ZFAND6: variants seen among roughly 807,000 people sequenced by gnomAD.
ZFAND6 encodes AN1-type zinc finger protein 6.
Under a neutral mutation model 24.5 loss-of-function variants are expected in ZFAND6, and 12 were observed. The observed-to-expected ratio is 0.49, with a 90% CI of 0.31 to 0.79. The LOEUF is 0.79. Among genes scored for constraint, ZFAND6 ranks in the 30% least tolerant of loss-of-function variants. The pLI is 0.04. For synonymous variants in ZFAND6, 92 were observed against 81.5 expected (o/e 1.13, Z -0.69); for missense variants, 207 against 245.9 (o/e 0.84, Z 1.06).
At chr15:80,108,431 A>T (rs937423932) in intron 2 of ZFAND6, among the ~76,000 whole-genome samples, 2 of 152,178 alleles carry the variant, frequency 1.3e-5, no homozygotes, top group Admixed American at 1.3e-4. Flanking sequence ...TCGTGAGAAG[A>T]AAGAGAATGA....
intron 1 of ZFAND6, among the ~76,000 whole-genome samples, chr15:80,082,359 A>G (rs937771341): frequency 3.3e-5 from 5 of 152,206 alleles, no homozygotes; most frequent in African/African-American, 1.2e-4. Flanking sequence ...GTTTATAGAG[A>G]GATAGGAAAA....
Position 80,138,353 on chromosome 15 carries a change from C to CT in ZFAND6, c.*728dup, listed in dbSNP as rs1266261495. The stretch of plus-strand genomic sequence containing the variant: ...GCTGTATTTATGTTTATTCACCAGT[C>CT]TTTGATTAAATAAAAAGGAAAACCA... On this transcript the variant is annotated 3_prime_UTR_variant, in exon 7 of 7. Coordinates refer to ENST00000261749, the MANE Select transcript of ZFAND6 (RefSeq NM_019006.4). 8.5e-5 allele frequency: 13 copies of CT among 152,616 alleles called. No individual in the cohort carries two copies. Among genetic ancestry groups the CT allele is most frequent in the African/African-American group, 3.1e-4 (13 of 41,446 alleles). The allele number at this position is 152,616 out of a possible 1,614,324, so 9.5% of individuals were successfully genotyped here. A position where few individuals can be genotyped will look rare whatever the true frequency, so the allele number is the denominator to read the frequency against.
At chr15:80,124,682 A>G (rs1370389875) in intron 5 of ZFAND6, among the ~76,000 whole-genome samples, 1 of 152,186 alleles carries the variant, frequency 6.6e-6, no homozygotes, top group Non-Finnish European at 1.5e-5. Context: ...CTGATGCCAT[A>G]TTAGGAGAAA....
intron 1 of ZFAND6, among the ~76,000 whole-genome samples, chr15:80,061,043 G>GT (rs1386264243): frequency 2.0e-5 from 3 of 152,154 alleles, no homozygotes; most frequent in Admixed American, 6.5e-5. Context: ...TTTAAGGTTA[G>GT]TTGTTCGGTA....
At chr15:80,128,503 G>C (rs561356980) in intron 5 of ZFAND6, among the ~76,000 whole-genome samples, 1 of 152,304 alleles carries the variant, frequency 6.6e-6, no homozygotes, top group East Asian at 1.9e-4. Flanking sequence ...TTTGGAAGTT[G>C]ATAAGGTATT....
At chr15:80,083,869 T>C (rs1323759112) in intron 1 of ZFAND6, among the ~76,000 whole-genome samples, 1 of 152,012 alleles carries the variant, frequency 6.6e-6, no homozygotes, top group Non-Finnish European at 1.5e-5. Flanking sequence ...CTCAAAAGCA[T>C]GGAAGTTGAG....
chr15:80,101,546 G>T (rs1280220067), intron 2 of ZFAND6, among the ~76,000 whole-genome samples: 1 of 152,108 alleles, frequency 6.6e-6, no homozygotes, highest in Non-Finnish European at 1.5e-5. Flanking sequence ...CACATTCTCA[G>T]TAGCTACATG....
At chr15:80,063,270 T>C (rs1233507451) in intron 1 of ZFAND6, among the ~76,000 whole-genome samples, 1 of 152,234 alleles carries the variant, frequency 6.6e-6, no homozygotes, top group African/African-American at 2.4e-5. Flanking sequence ...AAAACTATTA[T>C]TTCAACATGT....
chr15:80,101,580 C>T (rs2039033629), intron 2 of ZFAND6, among the ~76,000 whole-genome samples: 1 of 152,100 alleles, frequency 6.6e-6, no homozygotes. Flanking sequence ...CTGTGTTGGA[C>T]AACACTGTTC....
rs1002219053 is a variant in ZFAND6, at chr15:80,135,980, G to A, written c.479-1500G>A. On this transcript the variant is annotated intron_variant, in intron 6 of 6. Coordinates refer to ENST00000261749, the MANE Select transcript of ZFAND6 (RefSeq NM_019006.4). The stretch of plus-strand genomic sequence containing the variant: ...CTGTACAAAAAAATTTTTAAAATTA[G>A]CTGATCATGATGGCATGTGCCTGTA... Among the ~76,000 whole-genome samples, 4 of 152,094 alleles carry A rather than the reference G, an allele frequency of 2.6e-5. No homozygotes were observed. The East Asian group carries it at 7.7e-4, about 29-fold the overall frequency.
chr15:80,129,584 A>G (rs184297203), intron 5 of ZFAND6: 14 of 152,360 alleles, frequency 9.2e-5, no homozygotes, highest in Admixed American at 2.0e-4. Flanking sequence ...AAGTAATTCA[A>G]TTCAACAGAT....
At position 80,137,586 on chromosome 15, in the gene ZFAND6, A is replaced by G. The variant is rs750865747; in HGVS notation, c.585A>G (p.Lys195=). The G allele has an allele frequency of 2.5e-6, 4 of 1,606,824 alleles. No homozygotes were observed. The highest frequency in any genetic ancestry group is 2.5e-6 in the Non-Finnish European group (3 of 1,177,752). ...YKADAAEKIR[K]ENPVVVGEKI... is the part of the protein sequence containing the mutation. The stretch of plus-strand genomic sequence containing the variant: ...CCGATGCTGCTGAGAAAATCAGAAA[A>G]GAAAATCCAGTAGTTGTTGGTGAAA... Residue 195 remains lysine (K), a synonymous_variant, in exon 7 of 7, where the codon AAA becomes AAG. Coordinates refer to ENST00000261749, the MANE Select transcript of ZFAND6 (RefSeq NM_019006.4).
chr15:80,095,948 G>T (rs941397347), intron 1 of ZFAND6, among the ~76,000 whole-genome samples: 1 of 152,034 alleles, frequency 6.6e-6, no homozygotes, highest in African/African-American at 2.4e-5. Context: ...CTTAACATAT[G>T]GTATCCAAAT....
intron 1 of ZFAND6, chr15:80,060,548 G>C (rs528306115): frequency 1.7e-4 from 26 of 152,128 alleles, no homozygotes; most frequent in Non-Finnish European, 2.6e-4. Flanking sequence ...TCACATCTCG[G>C]AAGTTGTAAC....
intron 1 of ZFAND6, among the ~76,000 whole-genome samples, chr15:80,095,919 T>G (rs2038694533): frequency 6.6e-6 from 1 of 152,234 alleles, no homozygotes; most frequent in African/African-American, 2.4e-5. Context: ...TCTGATAACA[T>G]TCATTCATCA....
intron 2 of ZFAND6, among the ~76,000 whole-genome samples, chr15:80,108,236 A>T (rs1428496877): frequency 6.6e-6 from 1 of 152,192 alleles, no homozygotes; most frequent in Non-Finnish European, 1.5e-5. Flanking sequence ...CCATATATTA[A>T]ACTTTAAAAT....
chr15:80,115,653 A>G (rs1209476427), intron 2 of ZFAND6, among the ~76,000 whole-genome samples: 1 of 151,628 alleles, frequency 6.6e-6, no homozygotes, highest in Non-Finnish European at 1.5e-5. Flanking sequence ...ATGTAAAGGT[A>G]CATTTTATGG....
intron 2 of ZFAND6, among the ~76,000 whole-genome samples, chr15:80,110,968 T>G (rs776079857): frequency 4.6e-5 from 7 of 152,102 alleles, no homozygotes; most frequent in Non-Finnish European, 1.0e-4. Flanking sequence ...GCAAATGAAA[T>G]GGTCTTCCTG....
intron 2 of ZFAND6, among the ~76,000 whole-genome samples, chr15:80,112,609 G>A (rs2039666562): frequency 1.3e-5 from 2 of 152,142 alleles, no homozygotes; most frequent in Admixed American, 1.3e-4. Flanking sequence ...TGTTGGTCAG[G>A]CTGGTCTCAA....
Sources: gnomAD v4.1 joint callset for allele counts (sites outside exome capture counted in the v4.1 genomes callset) on GRCh38, gnomAD v4.1.1 for gene constraint, MANE v1.5 for transcripts, NCBI Gene and HGNC (gene_info 2026-07-23, HGNC 2026-07-21) for gene names.